The following TMEM74 variants were observed in gnomAD, a reference collection of about 807,000 sequenced individuals.
The protein encoded by TMEM74 is transmembrane protein 74.
TMEM74 carries 13 observed loss-of-function variants against 18.1 expected under a neutral mutation model. The observed-to-expected ratio is 0.72, with a 90% CI of 0.47 to 1.14. The LOEUF is 1.14. Ranked by LOEUF, TMEM74 falls within the 50% of genes most tolerant of loss-of-function variation. The pLI is 0.00. For synonymous variants in TMEM74, 159 were observed against 146.6 expected (o/e 1.08, Z -0.61); for missense variants, 372 against 375.9 (o/e 0.99, Z 0.09).
intron 1 of TMEM74, among the ~76,000 whole-genome samples, chr8:108,669,128 C>CAT (rs1479893638): frequency 6.6e-6 from 1 of 152,062 alleles, no homozygotes; most frequent in Non-Finnish European, 1.5e-5. Context: ...GCTGTTAGAG[C>CAT]ATATGCAGGC....
intron 1 of TMEM74, among the ~76,000 whole-genome samples, chr8:108,765,863 A>C (rs1814101162): frequency 6.6e-6 from 1 of 152,176 alleles, no homozygotes; most frequent in African/African-American, 2.4e-5. Context: ...TCTAAATCTA[A>C]AGTGCTCATA....
chr8:108,686,069 T>C (rs577324721), intron 1 of TMEM74, among the ~76,000 whole-genome samples: 1 of 152,316 alleles, frequency 6.6e-6, no homozygotes, highest in South Asian at 2.1e-4. Context: ...AAAATCCCAG[T>C]ATTTTTTAAA....
At chr8:108,787,171 G>A (rs1292979222) in intron 1 of TMEM74, among the ~76,000 whole-genome samples, 2 of 152,126 alleles carry the variant, frequency 1.3e-5, no homozygotes, top group Non-Finnish European at 2.9e-5. Context: ...ATTAATATTT[G>A]CTTTAAACTG....
chr8:108,670,056 A>G (rs950469064), intron 1 of TMEM74, among the ~76,000 whole-genome samples: 1 of 151,018 alleles, frequency 6.6e-6, no homozygotes, highest in African/African-American at 2.4e-5. Flanking sequence ...AAAAAAAAAA[A>G]AGGCAATGAA....
chr8:108,692,396 G>A (rs1813240360), intron 1 of TMEM74, among the ~76,000 whole-genome samples: 1 of 152,134 alleles, frequency 6.6e-6, no homozygotes, highest in South Asian at 2.1e-4. Context: ...CATGTGAGTG[G>A]TTATCTTTTT....
intron 2 of TMEM74, among the ~76,000 whole-genome samples, chr8:108,642,225 CCT>C (rs975918969): frequency 6.6e-5 from 10 of 151,758 alleles, no homozygotes; most frequent in Non-Finnish European, 1.3e-4. Flanking sequence ...ACGGTGAAAC[CCT>C]GTTTCTATGA....
intron 1 of TMEM74, among the ~76,000 whole-genome samples, chr8:108,731,741 A>C (rs1393524038): frequency 6.6e-6 from 1 of 152,162 alleles, no homozygotes; most frequent in Admixed American, 6.5e-5. Flanking sequence ...TTTAAAAAAA[A>C]TGTTCTTAGC....
chr8:108,734,571 C>T (rs561422346), intron 1 of TMEM74, among the ~76,000 whole-genome samples: 2 of 152,268 alleles, frequency 1.3e-5, no homozygotes, highest in East Asian at 3.9e-4. Flanking sequence ...ATGTTCAGTG[C>T]TCTTCTCCTC....
intron 1 of TMEM74, among the ~76,000 whole-genome samples, chr8:108,695,424 C>A (rs1357790129): frequency 2.6e-5 from 4 of 152,088 alleles, no homozygotes; most frequent in Non-Finnish European, 5.9e-5. Flanking sequence ...TTTGCAAGGA[C>A]CTTATATAGA....
intron 1 of TMEM74, among the ~76,000 whole-genome samples, chr8:108,715,964 T>C (rs1259935162): frequency 6.6e-6 from 1 of 152,058 alleles, no homozygotes; most frequent in Non-Finnish European, 1.5e-5. Flanking sequence ...GAAGAAATTG[T>C]AATTCATAAG....
At chr8:108,709,522 G>T (rs894862933) in intron 1 of TMEM74, among the ~76,000 whole-genome samples, 3 of 152,134 alleles carry the variant, frequency 2.0e-5, no homozygotes, top group Non-Finnish European at 2.9e-5. Context: ...GCCAGGGGCA[G>T]GGGAGTAAGA....
chr8:108,768,869 T>G (rs1005418758), intron 1 of TMEM74, among the ~76,000 whole-genome samples: 2 of 152,184 alleles, frequency 1.3e-5, no homozygotes, highest in Admixed American at 6.5e-5. Flanking sequence ...GCATGCCTTC[T>G]TTTCCATGTC....
At chr8:108,747,344 A>G (rs1250924518) in intron 1 of TMEM74, among the ~76,000 whole-genome samples, 1 of 152,132 alleles carries the variant, frequency 6.6e-6, no homozygotes, top group Admixed American at 6.6e-5. Context: ...CTAGCTAATG[A>G]AGGATTTACA....
chr8:108,695,864 A>C (rs1813277166), intron 1 of TMEM74, among the ~76,000 whole-genome samples: 1 of 152,198 alleles, frequency 6.6e-6, no homozygotes, highest in South Asian at 2.1e-4. Flanking sequence ...AAATGATAGG[A>C]AGCTCAGCAT....
intron 1 of TMEM74, among the ~76,000 whole-genome samples, chr8:108,763,072 T>G (rs1008958675): frequency 1.8e-4 from 27 of 152,120 alleles, no homozygotes; most frequent in African/African-American, 6.5e-4. Flanking sequence ...CTTTCCACAG[T>G]CATTCCCATA....
chr8:108,747,482 T>C (rs1263806159), intron 1 of TMEM74, among the ~76,000 whole-genome samples: 1 of 152,056 alleles, frequency 6.6e-6, no homozygotes, highest in African/African-American at 2.4e-5. Flanking sequence ...TACCACTTGA[T>C]CCTGCATGTG....
At chr8:108,692,929 T>G (rs1484258235) in intron 1 of TMEM74, among the ~76,000 whole-genome samples, 2 of 152,066 alleles carry the variant, frequency 1.3e-5, no homozygotes. Context: ...GTAATCCTAT[T>G]GTCAAGGATT....
intron 1 of TMEM74, among the ~76,000 whole-genome samples, chr8:108,685,961 C>T (rs1333194978): frequency 6.6e-6 from 1 of 151,998 alleles, no homozygotes; most frequent in Non-Finnish European, 1.5e-5. Context: ...TATTGATGTA[C>T]ATATAATAAA....
intron 2 of TMEM74, among the ~76,000 whole-genome samples, chr8:108,621,413 T>C (rs1248524250): frequency 1.3e-5 from 2 of 152,190 alleles, no homozygotes; most frequent in East Asian, 3.9e-4. Context: ...CTTTGGTAGG[T>C]CCTTCTTCCA....
Sources: gnomAD v4.1 joint callset for allele counts (sites outside exome capture counted in the v4.1 genomes callset) on GRCh38, gnomAD v4.1.1 for gene constraint, MANE v1.5 for transcripts, NCBI Gene and HGNC (gene_info 2026-07-23, HGNC 2026-07-21) for gene names.